The following SOBP variants were observed in gnomAD, a reference collection of about 807,000 sequenced individuals.
SOBP encodes sine oculis-binding protein homolog.
In SOBP, 4 loss-of-function variants were observed where a neutral mutation model predicts 53.6. That is an observed-to-expected ratio of 0.07 (90% CI 0.04 to 0.17). SOBP has a LOEUF of 0.17. SOBP is among the 10% of genes least tolerant of loss of function. The pLI, the probability that SOBP is intolerant of heterozygous loss-of-function variation, is 1.00. For synonymous variants in SOBP, 584 were observed against 522.6 expected, an observed-to-expected ratio of 1.12 and a Z score of -1.60; for missense variants, 1,088 against 1,204.7, an observed-to-expected ratio of 0.90 and a Z score of 1.43.
At chr6:107,530,798 G>C (rs1403828230) in intron 3 of SOBP, among the ~76,000 whole-genome samples, 1 of 152,196 alleles carries the variant, frequency 6.6e-6, no homozygotes, top group African/African-American at 2.4e-5. Flanking sequence ...TTTTCCAGCA[G>C]CCAGATATAA....
At chr6:107,638,462 C>T (rs940065367) in intron 6 of SOBP, among the ~76,000 whole-genome samples, 12 of 152,120 alleles carry the variant, frequency 7.9e-5, no homozygotes, top group South Asian at 2.1e-4. Context: ...CCACCCACCT[C>T]GGCCTCCCAA....
intron 4 of SOBP, among the ~76,000 whole-genome samples, chr6:107,585,449 T>A (rs1785536434): frequency 6.6e-6 from 1 of 152,228 alleles, no homozygotes; most frequent in Non-Finnish European, 1.5e-5. Context: ...AACCATGGCG[T>A]AGCTGCAAAG....
intron 1 of SOBP, among the ~76,000 whole-genome samples, chr6:107,492,259 T>TAA (rs1295646928): frequency 6.6e-6 from 1 of 152,152 alleles, no homozygotes; most frequent in Non-Finnish European, 1.5e-5. Flanking sequence ...CTTCCTCACT[T>TAA]ACCCTTACCT....
At chr6:107,543,871 C>G (rs919310775) in intron 4 of SOBP, among the ~76,000 whole-genome samples, 3 of 152,308 alleles carry the variant, frequency 2.0e-5, no homozygotes, top group Middle Eastern at 3.4e-3. Context: ...AACATTGGCT[C>G]TAGTATCAGG....
chr6:107,603,959 G>A (rs964834710), intron 5 of SOBP, among the ~76,000 whole-genome samples: 1 of 152,186 alleles, frequency 6.6e-6, no homozygotes, highest in Non-Finnish European at 1.5e-5. Flanking sequence ...TTTGTTGGTG[G>A]CATTATACTC....
chr6:107,633,416 G>C (rs897929407), intron 5 of SOBP, 98 bp from the exon 6 acceptor site: 37 of 1,460,464 alleles, frequency 2.5e-5, no homozygotes, highest in Non-Finnish European at 3.5e-5. Context: ...AGAAGTGCTG[G>C]TAAAGTTTAA....
Position 107,511,069 on chromosome 6 carries a change from A to G in SOBP, c.421+4642A>G, listed in dbSNP as rs1022027217. 3.1e-4 allele frequency among the ~76,000 whole-genome samples: 47 copies of G among 152,210 alleles called. 1 individual carries two copies. The highest frequency in any genetic ancestry group is 3.1e-3 in the Admixed American group (47 of 15,278). ...TGGTCTTCATATAACTCTGGGAAAT[A>G]GCATATTAGATATTAAATTTAAAGA... On this transcript the variant is annotated intron_variant, in intron 3 of 6. Transcript: ENST00000317357.
chr6:107,553,083 A>C (rs904994088), intron 4 of SOBP, among the ~76,000 whole-genome samples: 1 of 152,248 alleles, frequency 6.6e-6, no homozygotes, highest in Middle Eastern at 3.4e-3. Flanking sequence ...CCTGTTCCCC[A>C]AAAACCTATT....
intron 3 of SOBP, among the ~76,000 whole-genome samples, chr6:107,525,963 C>T (rs1440958563): frequency 6.6e-6 from 1 of 151,616 alleles, no homozygotes; most frequent in Non-Finnish European, 1.5e-5. Context: ...TTTTTTTTCC[C>T]CGAGACGGAG....
At chr6:107,543,465 G>A (rs889103594) in intron 4 of SOBP, among the ~76,000 whole-genome samples, 5 of 152,194 alleles carry the variant, frequency 3.3e-5, no homozygotes, top group African/African-American at 9.7e-5. Context: ...GGGCTATGAC[G>A]AGAGAGAGCA....
intron 5 of SOBP, among the ~76,000 whole-genome samples, chr6:107,629,038 G>A (rs991718661): frequency 1.3e-5 from 2 of 152,164 alleles, no homozygotes; most frequent in African/African-American, 4.8e-5. Context: ...CAAGATCAGT[G>A]CCACAGTCAA....
chr6:107,531,108 A>C lies in SOBP; in HGVS notation c.422-2351A>C, dbSNP rs147058353. On this transcript the variant is annotated intron_variant, in intron 3 of 6. Transcript: ENST00000317357. ...ATAGCTTTGCACTCTATTCTTTCTCATCTCAGTGTTGGTCCATTATAGCTG... is the reference window on the plus strand; with the variant it reads ...ATAGCTTTGCACTCTATTCTTTCTCCTCTCAGTGTTGGTCCATTATAGCTG... 6.6e-5 allele frequency among the ~76,000 whole-genome samples: 10 copies of C among 152,356 alleles called. 1 individual carries two copies. The East Asian group carries it at 1.9e-3, about 29-fold the overall frequency.
intron 1 of SOBP, among the ~76,000 whole-genome samples, chr6:107,498,525 T>A (rs1746103226): frequency 6.6e-6 from 1 of 152,226 alleles, no homozygotes; most frequent in African/African-American, 2.4e-5. Flanking sequence ...CAACTCTTTA[T>A]TATTTACCTG....
chr6:107,515,844 A>G (rs1783304475), intron 3 of SOBP, among the ~76,000 whole-genome samples: 1 of 152,252 alleles, frequency 6.6e-6, no homozygotes, highest in Non-Finnish European at 1.5e-5. Flanking sequence ...GATATATGCA[A>G]AATGGTAATA....
intron 4 of SOBP, among the ~76,000 whole-genome samples, chr6:107,534,198 G>T (rs1783924806): frequency 1.3e-5 from 2 of 152,128 alleles, no homozygotes; most frequent in Non-Finnish European, 2.9e-5. Flanking sequence ...GAGCGTGGTG[G>T]GTAAACACAG....
intron 3 of SOBP, among the ~76,000 whole-genome samples, chr6:107,529,039 G>T (rs758264309): frequency 3.9e-5 from 6 of 152,172 alleles, no homozygotes; most frequent in Non-Finnish European, 7.3e-5. Context: ...CACCTGCGAA[G>T]TACTGCTATC....
chr6:107,545,931 T>C (rs1784288120), intron 4 of SOBP, among the ~76,000 whole-genome samples: 1 of 152,312 alleles, frequency 6.6e-6, no homozygotes, highest in Admixed American at 6.5e-5. Context: ...CAAACTGTTT[T>C]AGAGGCACAG....
intron 5 of SOBP, among the ~76,000 whole-genome samples, chr6:107,593,312 C>T (rs546141287): frequency 7.4e-4 from 112 of 152,230 alleles, no homozygotes; most frequent in Non-Finnish European, 1.4e-3. Flanking sequence ...TATTGGGGGA[C>T]GGAGTCTTGA....
At chr6:107,581,455 G>A (rs1785400525) in intron 4 of SOBP, among the ~76,000 whole-genome samples, 1 of 152,174 alleles carries the variant, frequency 6.6e-6, no homozygotes, top group Non-Finnish European at 1.5e-5. Context: ...GAGGCAGGGA[G>A]CTACTCTGAA....
Sources: allele counts gnomAD v4.1 joint callset (sites outside exome capture counted in the v4.1 genomes callset), GRCh38; gene constraint gnomAD v4.1.1; transcripts MANE v1.5; gene names NCBI Gene and HGNC (gene_info 2026-07-23, HGNC 2026-07-21).